Variants in CFTR observed in about 807,000 individuals in gnomAD.
CFTR encodes cystic fibrosis transmembrane conductance regulator.
Under a neutral mutation model 171.6 loss-of-function variants are expected in CFTR, and 181 were observed. The ratio of observed to expected loss-of-function variants is 1.05; its 90% confidence interval spans 0.93 to 1.19. The LOEUF is 1.19. Among genes scored for constraint, CFTR ranks in the 50% most tolerant of loss-of-function variants. The pLI is 0.00. For missense variants in CFTR, 1,968 were observed against 1,734.7 expected, an observed-to-expected ratio of 1.13 and a Z score of -2.39; for synonymous variants, 583 against 608.0, an observed-to-expected ratio of 0.96 and a Z score of 0.60.
chr7:117,541,955 G>A (rs1799059292), intron 8 of CFTR, 61 bp from the exon 9 acceptor site: 1 of 768,960 alleles, frequency 1.3e-6, no homozygotes, highest in Non-Finnish European at 2.3e-6. Flanking sequence ...TAAAGTAGAT[G>A]TAATAATGCA....
At chr7:117,561,905 A>G (rs1172895875) in intron 11 of CFTR, among the ~76,000 whole-genome samples, 3 of 152,190 alleles carry the variant, frequency 2.0e-5, no homozygotes, top group Non-Finnish European at 2.9e-5. Context: ...ATGATTCACC[A>G]TGCAATTCTA....
chr7:117,615,165 A>G (rs1792466222), intron 21 of CFTR, among the ~76,000 whole-genome samples: 1 of 152,128 alleles, frequency 6.6e-6, no homozygotes, highest in Non-Finnish European at 1.5e-5. Flanking sequence ...GAAGCTGCAT[A>G]CATAATTATT....
In CFTR at chr7:117,645,890, T is replaced by A. The variant is rs1394232124; in HGVS notation, c.3873+3297T>A. 2.6e-5 allele frequency among the ~76,000 whole-genome samples: 4 copies of A among 152,188 alleles called. No homozygotes were observed. The East Asian group carries it at 5.8e-4, about 22-fold the overall frequency. ...TCATCACCAATTAAAGCAGGCTAGATAAAGAATGTAATAGAAATGCTAGAT... is the reference window on the plus strand; with the variant it reads ...TCATCACCAATTAAAGCAGGCTAGAAAAAGAATGTAATAGAAATGCTAGAT... On this transcript the variant is annotated intron_variant, in intron 23 of 26. Transcript: ENST00000003084.
chr7:117,645,691 C>A (rs547648331), intron 23 of CFTR, among the ~76,000 whole-genome samples: 1 of 152,242 alleles, frequency 6.6e-6, no homozygotes, highest in East Asian at 1.9e-4. Context: ...TTTGACTAAT[C>A]CCAACATTCC....
intron 2 of CFTR, among the ~76,000 whole-genome samples, chr7:117,506,789 C>T (rs570279908): frequency 2.0e-5 from 3 of 152,244 alleles, no homozygotes; most frequent in Admixed American, 6.5e-5. Context: ...CAAACCCATA[C>T]GTTCTATTAT....
chr7:117,489,204 G>A (rs188526947), intron 1 of CFTR, among the ~76,000 whole-genome samples: 90 of 152,104 alleles, frequency 5.9e-4, no homozygotes, highest in Non-Finnish European at 1.1e-3. Flanking sequence ...TATGAATGCA[G>A]TTTGTCACTG....
At chr7:117,608,888 CT>C (rs1313594501) in intron 18 of CFTR, among the ~76,000 whole-genome samples, 1 of 151,826 alleles carries the variant, frequency 6.6e-6, no homozygotes, top group Non-Finnish European at 1.5e-5. Flanking sequence ...TATTATTTTT[CT>C]CTTTTTAAAA....
chr7:117,594,539 C>T (rs1435345994), intron 14 of CFTR, among the ~76,000 whole-genome samples: 2 of 152,100 alleles, frequency 1.3e-5, no homozygotes, highest in Non-Finnish European at 2.9e-5. Context: ...CTGTACTTGT[C>T]CATGGACCCC....
chr7:117,533,068 A>G (rs569582225), intron 4 of CFTR, among the ~76,000 whole-genome samples: 3 of 152,290 alleles, frequency 2.0e-5, no homozygotes, highest in South Asian at 2.1e-4. Context: ...CTTTGCCTAT[A>G]CTTTTCAAGA....
chr7:117,564,339 A>G (rs117720522), intron 11 of CFTR, among the ~76,000 whole-genome samples: 1 of 152,222 alleles, frequency 6.6e-6, no homozygotes, highest in East Asian at 1.9e-4. Flanking sequence ...AGTGTCCCCT[A>G]TTTTCAGTGA....
intron 1 of CFTR, among the ~76,000 whole-genome samples, chr7:117,499,966 C>A (rs1208798950): frequency 6.6e-6 from 1 of 152,120 alleles, no homozygotes; most frequent in Non-Finnish European, 1.5e-5. Context: ...GGGAAGACAG[C>A]AGGCCCAAGT....
chr7:117,536,519 GA>G, intron 6 of CFTR, 28 bp from the exon 7 acceptor site: 9 of 1,477,266 alleles, frequency 6.1e-6, no homozygotes, highest in Non-Finnish European at 8.1e-6. Flanking sequence ...CTATTAGATT[GA>G]TTGATTGATT....
intron 23 of CFTR, 105 bp downstream of exon 23, chr7:117,642,698 G>A: frequency 1.7e-6 from 2 of 1,205,096 alleles, no homozygotes; most frequent in Non-Finnish European, 2.4e-6. Context: ...AAATATATTT[G>A]TTATGCATTG....
At chr7:117,555,415 G>A (rs183399991) in intron 10 of CFTR, among the ~76,000 whole-genome samples, 1 of 152,264 alleles carries the variant, frequency 6.6e-6, no homozygotes, top group East Asian at 1.9e-4. Context: ...TGCTATTACG[G>A]TAAGCTCAAG....
chr7:117,592,366 GAGA>G lies in CFTR; in HGVS notation c.2202_2204del (p.Arg735del). 1 of 1,614,088 alleles carries G rather than the reference GAGA, an allele frequency of 6.2e-7. No individual in the cohort carries two copies. The highest frequency in any genetic ancestry group is 1.3e-5 in the African/African-American group (1 of 75,054). On this transcript the variant is annotated inframe_deletion, in exon 14 of 27. Coordinates refer to ENST00000003084, the MANE Select transcript of CFTR (RefSeq NM_000492.4). ...AAGAGGATTCTGATGAGCCTTTAGA[GAGA>G]AGGCTGTCCTTAGTACCAGATTCTG... is the stretch of plus-strand genomic sequence containing the variant.
Position 117,531,129 on chromosome 7 carries a change from C to T in CFTR, c.489+15C>T. ...TTTATAAGAAGGTAATACTTCCTTG[C>T]ACAGGCCCCATGGCACATATATTCT... On this transcript the variant is annotated intron_variant, in intron 4 of 26. Transcript: ENST00000003084. The T allele has an allele frequency of 6.4e-7, 1 of 1,566,234 alleles. No individual in the cohort carries two copies. The highest frequency in any genetic ancestry group is 8.8e-7 in the Non-Finnish European group (1 of 1,139,054).
intron 10 of CFTR, among the ~76,000 whole-genome samples, chr7:117,556,512 CTTTTTT>C (rs55700428): frequency 2.2e-5 from 1 of 45,904 alleles, no homozygotes; most frequent in African/African-American, 9.8e-5. Flanking sequence ...TGTTTCATTT[CTTTTTT>C]TTTTTTTTTT....
At position 117,531,260 on chromosome 7, in the gene CFTR, A is replaced by G. The variant is rs982987179; in HGVS notation, c.489+146A>G. 9.0e-5 allele frequency: 59 copies of G among 657,998 alleles called. No individual in the cohort carries two copies. In the East Asian group the frequency reaches 1.6e-3, roughly 18 times the overall value. 40.8% of individuals were successfully genotyped at this position (657,998 alleles called of 1,614,324 possible). A position where few individuals can be genotyped will look rare whatever the true frequency, so the allele number is the denominator to read the frequency against. ...GCCTATTAAATAAATGGCAGGAATA[A>G]TTAATGCTCTTAATTATCCTTGATA... On this transcript the variant is annotated intron_variant, in intron 4 of 26. Coordinates refer to ENST00000003084, the MANE Select transcript of CFTR (RefSeq NM_000492.4).
rs1397822868 is a variant in CFTR at position 117,540,302 on chromosome 7, G to A, written c.1072G>A (p.Val358Ile). The part of the protein sequence containing the change: ...MAVTRQFPWA[V>I]QTWYDSLGAI... The stretch of plus-strand genomic sequence containing the variant: ...GGTCACTCGGCAATTTCCCTGGGCT[G>A]TACAAACATGGTATGACTCTCTTGG... The change falls in exon 8 of 27, where the codon GTA (valine) becomes ATA (isoleucine). Residue 358 changes from valine to isoleucine, a missense_variant. By Grantham distance (29) the Val-to-Ile change is conservative. Coordinates refer to ENST00000003084, the MANE Select transcript of CFTR (RefSeq NM_000492.4). The A allele has an allele frequency of 6.2e-7, 1 of 1,613,860 alleles. No individual in the cohort carries two copies. The highest frequency in any genetic ancestry group is 8.5e-7 in the Non-Finnish European group (1 of 1,179,786).
Sources: gnomAD v4.1 joint callset for allele counts (sites outside exome capture counted in the v4.1 genomes callset) on GRCh38, gnomAD v4.1.1 for gene constraint, MANE v1.5 for transcripts, NCBI Gene and HGNC (gene_info 2026-07-23, HGNC 2026-07-21) for gene names.